The following KSR2 variants were observed in gnomAD, a reference collection of about 807,000 sequenced individuals.
KSR2 encodes the protein kinase suppressor of ras 2.
A neutral mutation model predicts 107.8 loss-of-function variants in KSR2; 25 were observed. That is an observed-to-expected ratio of 0.23 (90% CI 0.17 to 0.32). The LOEUF (loss-of-function observed/expected upper bound fraction) is 0.32. Among genes scored for constraint, KSR2 ranks in the 10% least tolerant of loss-of-function variants. The probability of loss-of-function intolerance (pLI) is 1.00; values close to 1 mark genes in which losing one functional copy is unlikely to be tolerated. For synonymous variants in KSR2, 480 were observed against 507.0 expected, an observed-to-expected ratio of 0.95 and a Z score of 0.71; for missense variants, 887 against 1,268.9, an observed-to-expected ratio of 0.70 and a Z score of 4.57.
chr12:117,482,475 C>G (rs575029302), intron 16 of KSR2, among the ~76,000 whole-genome samples: 3 of 152,238 alleles, frequency 2.0e-5, no homozygotes, highest in Non-Finnish European at 2.9e-5. Context: ...TTGTGGGTGG[C>G]CAGGAAATGT....
At chr12:117,778,716 G>A (rs1208898429) in intron 3 of KSR2, among the ~76,000 whole-genome samples, 1 of 152,156 alleles carries the variant, frequency 6.6e-6, no homozygotes, top group Admixed American at 6.5e-5. Flanking sequence ...AAGCTTAGGA[G>A]GCCCATCCAG....
chr12:117,749,756 T>C (rs1036055064), intron 4 of KSR2, among the ~76,000 whole-genome samples: 2 of 152,188 alleles, frequency 1.3e-5, no homozygotes, highest in African/African-American at 2.4e-5. Context: ...ATATTTTAAA[T>C]GAGCCTTACT....
intron 1 of KSR2, chr12:117,890,810 A>G (rs1163085260): frequency 1.3e-5 from 2 of 152,200 alleles, no homozygotes; most frequent in African/African-American, 4.8e-5. Context: ...TGGAAATAAC[A>G]TTAGACTGGG....
At position 117,875,142 on chromosome 12, in the gene KSR2, AAAC is replaced by A. The variant is rs752651815; in HGVS notation, c.181-14714_181-14712del. On this transcript the variant is annotated intron_variant, in intron 1 of 19. Coordinates refer to ENST00000339824, the MANE Select transcript of KSR2 (RefSeq NM_173598.6). ...AGCATGGCGGTAAATTTAGCAGCAT[AAAC>A]AACAACAACAAAAAAAATCAAAAAG... 5.3e-5 allele frequency among the ~76,000 whole-genome samples: 8 copies of A among 152,294 alleles called. No individual in the cohort carries two copies. In the South Asian group the frequency reaches 8.3e-4, roughly 16 times the overall value.
intron 4 of KSR2, among the ~76,000 whole-genome samples, chr12:117,756,990 G>T (rs1888815307): frequency 6.6e-6 from 1 of 151,888 alleles, no homozygotes; most frequent in East Asian, 1.9e-4. Flanking sequence ...AGGAGGTGGA[G>T]GTTGCAGTGA....
chr12:117,509,008 G>A (rs1292625291), intron 14 of KSR2, among the ~76,000 whole-genome samples: 1 of 151,816 alleles, frequency 6.6e-6, no homozygotes, highest in Non-Finnish European at 1.5e-5. Context: ...TGATTGGATG[G>A]GCAGGGGGAC....
chr12:117,894,802 T>C (rs1671454680), intron 1 of KSR2, among the ~76,000 whole-genome samples: 1 of 148,670 alleles, frequency 6.7e-6, no homozygotes, highest in Admixed American at 6.8e-5. Context: ...CCCCTTTGCC[T>C]TCCGCCATGA....
intron 7 of KSR2, among the ~76,000 whole-genome samples, chr12:117,570,929 C>T (rs1429638842): frequency 1.3e-5 from 2 of 152,094 alleles, no homozygotes; most frequent in Non-Finnish European, 2.9e-5. Context: ...AATGAATATT[C>T]TTGCAAATGA....
chr12:117,587,853 A>C (rs903003580), intron 5 of KSR2, among the ~76,000 whole-genome samples: 1 of 152,180 alleles, frequency 6.6e-6, no homozygotes, highest in Non-Finnish European at 1.5e-5. Context: ...GGCAGTATGC[A>C]TTTAAGAGCT....
At chr12:117,604,241 T>G (rs1263718941) in intron 5 of KSR2, among the ~76,000 whole-genome samples, 1 of 152,220 alleles carries the variant, frequency 6.6e-6, no homozygotes, top group African/African-American at 2.4e-5. Flanking sequence ...TCCTGTTCCC[T>G]TTACTTCTCC....
intron 3 of KSR2, among the ~76,000 whole-genome samples, chr12:117,847,188 C>T (rs1407044796): frequency 1.3e-5 from 2 of 152,208 alleles, no homozygotes; most frequent in African/African-American, 4.8e-5. Context: ...GCCAGCCCAG[C>T]CTTTCCCAAG....
chr12:117,649,937 A>T (rs1883816991), intron 5 of KSR2, among the ~76,000 whole-genome samples: 1 of 152,174 alleles, frequency 6.6e-6, no homozygotes, highest in Non-Finnish European at 1.5e-5. Context: ...AAAGTCTTTG[A>T]AGACAGGGAC....
intron 14 of KSR2, among the ~76,000 whole-genome samples, chr12:117,518,617 C>T (rs2134143): frequency 0.43 from 65,427 of 152,088 alleles, 14,186 homozygotes; most frequent in South Asian, 0.58. Flanking sequence ...CCCAGAGTAG[C>T]GTGGGCAGCT....
chr12:117,492,470 C>G (rs1404056228), intron 14 of KSR2, among the ~76,000 whole-genome samples: 4 of 152,072 alleles, frequency 2.6e-5, no homozygotes, highest in African/African-American at 9.7e-5. Flanking sequence ...GGACTGACAC[C>G]CTGGCTCCCA....
At chr12:117,537,325 T>C (rs1876123597) in intron 10 of KSR2, among the ~76,000 whole-genome samples, 1 of 152,220 alleles carries the variant, frequency 6.6e-6, no homozygotes, top group African/African-American at 2.4e-5. Context: ...TCATCTTTCA[T>C]TCTACAATTC....
intron 5 of KSR2, among the ~76,000 whole-genome samples, chr12:117,608,700 T>C (rs112626894): frequency 6.5e-4 from 99 of 152,352 alleles, no homozygotes; most frequent in African/African-American, 2.1e-3. Context: ...ATGATCTTTA[T>C]ACCAACATAG....
At chr12:117,588,320 C>T (rs1880127370) in intron 5 of KSR2, among the ~76,000 whole-genome samples, 1 of 152,140 alleles carries the variant, frequency 6.6e-6, no homozygotes, top group Admixed American at 6.5e-5. Flanking sequence ...GATTTGCATT[C>T]CCAAACCCAA....
intron 8 of KSR2, among the ~76,000 whole-genome samples, chr12:117,558,259 T>C (rs755633073): frequency 6.6e-6 from 1 of 151,602 alleles, no homozygotes; most frequent in Non-Finnish European, 1.5e-5. Flanking sequence ...AGGGGTTAAG[T>C]GGGGAGACAA....
At chr12:117,785,606 C>T (rs1015294635) in intron 3 of KSR2, among the ~76,000 whole-genome samples, 2 of 151,744 alleles carry the variant, frequency 1.3e-5, no homozygotes, top group Admixed American at 6.6e-5. Flanking sequence ...AAAAAATAAC[C>T]AAATGAAAAT....
Sources: allele counts gnomAD v4.1 joint callset (sites outside exome capture counted in the v4.1 genomes callset), GRCh38; gene constraint gnomAD v4.1.1; transcripts MANE v1.5; gene names NCBI Gene and HGNC (gene_info 2026-07-23, HGNC 2026-07-21).